Variants in ADARB2 observed in about 807,000 individuals in gnomAD.
ADARB2 encodes adenosine deaminase RNA specific B2 (inactive).
A neutral mutation model predicts 62.2 loss-of-function variants in ADARB2; 25 were observed. The observed-to-expected ratio is 0.40, with a 90% CI of 0.29 to 0.56. The LOEUF is 0.56. Among genes scored for constraint, ADARB2 ranks in the 20% least tolerant of loss-of-function variants. ADARB2 has a pLI of 0.43. For synonymous variants in ADARB2, 572 were observed against 500.8 expected, an observed-to-expected ratio of 1.14 and a Z score of -1.90; for missense variants, 1,071 against 1,077.4, an observed-to-expected ratio of 0.99 and a Z score of 0.08.
intron 1 of ADARB2, among the ~76,000 whole-genome samples, chr10:1,446,947 T>A (rs1398932912): frequency 1.3e-5 from 2 of 152,206 alleles, no homozygotes; most frequent in African/African-American, 4.8e-5. Flanking sequence ...CTTAATTGAA[T>A]TATAGCGCTT....
chr10:1,585,682 G>A (rs1189153096), intron 1 of ADARB2, among the ~76,000 whole-genome samples: 2 of 152,204 alleles, frequency 1.3e-5, no homozygotes, highest in African/African-American at 4.8e-5. Flanking sequence ...TAGACCAACT[G>A]ATGTACATTT....
intron 1 of ADARB2, among the ~76,000 whole-genome samples, chr10:1,567,214 G>T (rs182999578): frequency 4.6e-5 from 7 of 152,118 alleles, no homozygotes; most frequent in Admixed American, 4.6e-4. Flanking sequence ...TCACACTGAT[G>T]CCTGTGCATT....
intron 1 of ADARB2, among the ~76,000 whole-genome samples, chr10:1,656,536 G>C (rs2119080304): frequency 6.6e-6 from 1 of 152,108 alleles, no homozygotes; most frequent in East Asian, 1.9e-4. Context: ...AAAAGGGAGA[G>C]AGAGAGAGAG....
intron 3 of ADARB2, among the ~76,000 whole-genome samples, chr10:1,338,777 G>GC (rs1831996546): frequency 6.6e-6 from 1 of 152,174 alleles, no homozygotes; most frequent in African/African-American, 2.4e-5. Context: ...AGACAAATCT[G>GC]CCCCTTCTTC....
chr10:1,670,899 T>A (rs35264609), intron 1 of ADARB2, among the ~76,000 whole-genome samples: 355 of 152,180 alleles, frequency 2.3e-3, no homozygotes, highest in Non-Finnish European at 3.6e-3. Context: ...AACTCAGACG[T>A]CTGGAAGGGA....
chr10:1,667,123 A>T (rs77232014), intron 1 of ADARB2, among the ~76,000 whole-genome samples: 3,367 of 152,332 alleles, frequency 0.022, 60 homozygotes, highest in East Asian at 0.07. Flanking sequence ...AATTGTCCCA[A>T]ATAGAATTTA....
chr10:1,356,429 C>T (rs1832196067), intron 3 of ADARB2, among the ~76,000 whole-genome samples: 1 of 152,174 alleles, frequency 6.6e-6, no homozygotes, highest in Non-Finnish European at 1.5e-5. Flanking sequence ...GAGAACAGAA[C>T]CGCCTGGGGT....
chr10:1,229,818 A>T (rs1293615200), intron 6 of ADARB2, among the ~76,000 whole-genome samples: 5 of 126,646 alleles, frequency 3.9e-5, no homozygotes, highest in Admixed American at 3.9e-4. Context: ...ACATGTACTT[A>T]TGTATGTTTT....
intron 1 of ADARB2, among the ~76,000 whole-genome samples, chr10:1,578,768 A>G (rs2131998803): frequency 6.6e-6 from 1 of 152,178 alleles, no homozygotes; most frequent in Non-Finnish European, 1.5e-5. Flanking sequence ...GTTTATACAC[A>G]CAGGTACTCG....
chr10:1,292,777 CG>C (rs1360382125), intron 3 of ADARB2: 1 of 152,188 alleles, frequency 6.6e-6, no homozygotes, highest in Non-Finnish European at 1.5e-5. Flanking sequence ...GACACCCCAA[CG>C]GGGAACAGAG....
chr10:1,452,076 C>T (rs975795973), intron 1 of ADARB2, among the ~76,000 whole-genome samples: 126 of 152,280 alleles, frequency 8.3e-4, no homozygotes, highest in African/African-American at 2.9e-3. Context: ...GCCATGCACC[C>T]CTGCTGGTCA....
chr10:1,633,373 A>G (rs897111863), intron 1 of ADARB2, among the ~76,000 whole-genome samples: 18 of 152,202 alleles, frequency 1.2e-4, no homozygotes, highest in African/African-American at 4.1e-4. Flanking sequence ...TGCCAACAGG[A>G]ATTTCAAAGG....
chr10:1,379,497 G>A (rs1003783960), intron 1 of ADARB2, among the ~76,000 whole-genome samples: 3 of 152,170 alleles, frequency 2.0e-5, no homozygotes, highest in Non-Finnish European at 4.4e-5. Flanking sequence ...GCCTTCTGTC[G>A]AGATCATTTC....
At chr10:1,550,708 T>C (rs1832607914) in intron 1 of ADARB2, among the ~76,000 whole-genome samples, 1 of 152,010 alleles carries the variant, frequency 6.6e-6, no homozygotes, top group Non-Finnish European at 1.5e-5. Flanking sequence ...TCGTGGGAGC[T>C]AGAAGAGATT....
intron 1 of ADARB2, among the ~76,000 whole-genome samples, chr10:1,479,360 G>A (rs1049196219): frequency 2.0e-5 from 3 of 152,212 alleles, no homozygotes; most frequent in Non-Finnish European, 4.4e-5. Flanking sequence ...ACACGTGAAT[G>A]ACAAGTTAGG....
At chr10:1,328,996 TAAAAAAAA>T (rs376461606) in intron 3 of ADARB2, among the ~76,000 whole-genome samples, 24 of 75,678 alleles carry the variant, frequency 3.2e-4, no homozygotes, top group African/African-American at 1.2e-3. Context: ...GACCCTGTCT[TAAAAAAAA>T]AAAAAAAAAA....
In ADARB2 at chr10:1,271,089, G is replaced by T. The variant is rs764488425; in HGVS notation, c.1078-20C>A. 1.9e-6 allele frequency: 3 copies of T among 1,604,786 alleles called. No individual in the cohort carries two copies. Among genetic ancestry groups the T allele is most frequent in the South Asian group, 1.1e-5 (1 of 90,340 alleles). On this transcript the variant is annotated intron_variant, in intron 3 of 9. Transcript: ENST00000381312. ...GAATTCCTGAAAGACACAAGCACAG[G>T]CCTCCACGTTGGGCTGAGCAGGTGC...
intron 3 of ADARB2, among the ~76,000 whole-genome samples, chr10:1,336,959 AAT>A (rs1231644313): frequency 6.6e-6 from 1 of 152,084 alleles, no homozygotes; most frequent in African/African-American, 2.4e-5. Flanking sequence ...TGCCACAGAT[AAT>A]GAGTCCAGAT....
rs1444761680 is a variant in ADARB2, at chr10:1,405,493, G to A, written c.101-26333C>T. On this transcript the variant is annotated intron_variant, in intron 1 of 9. Transcript: ENST00000381312. ...AAAAATACAAAAATTAGCCAGAGGT[G>A]ATGGTAGGGGCCTGTAATCCCAGCT... Among the ~76,000 whole-genome samples the A allele has an allele frequency of 5.9e-5, 9 of 152,168 alleles. No individual in the cohort carries two copies. The East Asian group carries it at 1.7e-3, about 29-fold the overall frequency.
Sources: gnomAD v4.1 joint callset for allele counts (sites outside exome capture counted in the v4.1 genomes callset) on GRCh38, gnomAD v4.1.1 for gene constraint, MANE v1.5 for transcripts, NCBI Gene and HGNC (gene_info 2026-07-23, HGNC 2026-07-21) for gene names.